The following STYK1 variants were observed in gnomAD, a reference collection of about 807,000 sequenced individuals.
STYK1 encodes the protein tyrosine-protein kinase STYK1.
A neutral mutation model predicts 48.1 loss-of-function variants in STYK1; 46 were observed. The observed-to-expected ratio is 0.96, with a 90% CI of 0.75 to 1.22. The LOEUF (loss-of-function observed/expected upper bound fraction) is 1.22, where lower values mean the gene tolerates loss of function less well. STYK1 is among the 50% of genes most tolerant of loss of function. The pLI is 0.00. For synonymous variants in STYK1, 188 were observed against 189.0 expected (o/e 0.99, Z 0.04); for missense variants, 527 against 521.1 (o/e 1.01, Z -0.11).
rs186505986 is a variant in STYK1 at position 10,622,147 on chromosome 12, G to C, written c.968-175C>G. ...AATATGGATATAATTTAGTGAATTG[G>C]GGGGAAAGGTGTTTTGGAGAAAAAA... On this transcript the variant is annotated intron_variant, in intron 9 of 10. Transcript: ENST00000075503. Among the ~76,000 whole-genome samples, 104 of 152,230 alleles carry C rather than the reference G, an allele frequency of 6.8e-4. 1 individual carries two copies. The highest frequency in any genetic ancestry group is 2.2e-3 in the African/African-American group (91 of 41,530).
chr12:10,619,530 CTG>C lies in STYK1; in HGVS notation c.*612_*613del, dbSNP rs1865871383. On this transcript the variant is annotated 3_prime_UTR_variant, in exon 11 of 11. Coordinates refer to ENST00000075503, the MANE Select transcript of STYK1 (RefSeq NM_018423.3). ...AAACGTAGTAACAAACAGAATTTAC[CTG>C]TCTCAGAATCAGATAAAAGGGGACC... The C allele has an allele frequency of 6.6e-6, 1 of 152,630 alleles. No homozygotes were observed. Among genetic ancestry groups the C allele is most frequent in the Admixed American group, 6.5e-5 (1 of 15,294 alleles). 9.5% of individuals were successfully genotyped at this position (152,630 alleles called of 1,614,324 possible).
At chr12:10,627,599 AG>A (rs752035697) in intron 7 of STYK1, 41 bp downstream of exon 7, 11 of 1,550,274 alleles carry the variant, frequency 7.1e-6, no homozygotes, top group Non-Finnish European at 9.7e-6. Flanking sequence ...AAGGCTAACA[AG>A]GAAACGTCAC....
rs1432488992 is a variant in STYK1, at chr12:10,634,010, T to G, written c.167A>C (p.Gln56Pro). ...TTTACCTTGAGGTCCAGAACGCTGCTGTTGAGTTCTTTGTTCTCTGATAAA... is the reference window on the plus strand; with the variant it reads ...TTTACCTTGAGGTCCAGAACGCTGCGGTTGAGTTCTTTGTTCTCTGATAAA... ...WLFIREQRTQQQRSGPQGIAP... is the reference protein window; with the variant it reads ...WLFIREQRTQPQRSGPQGIAP... The change falls in exon 4 of 11, where the codon CAG becomes CCG. Residue 56 changes from glutamine to proline, a missense_variant. Gln to Pro is a moderately conservative substitution (Grantham distance 76, BLOSUM62 -1). Coordinates refer to ENST00000075503, the MANE Select transcript of STYK1 (RefSeq NM_018423.3). 6.2e-7 allele frequency: 1 copy of G among 1,614,104 alleles called. No individual in the cohort carries two copies. Among genetic ancestry groups the G allele is most frequent in the South Asian group, 1.1e-5 (1 of 91,062 alleles).
Position 10,627,634 on chromosome 12 carries a change from A to G in STYK1, c.717+7T>C, listed in dbSNP as rs1458111082. The G allele has an allele frequency of 1.2e-6, 2 of 1,611,774 alleles. No individual in the cohort carries two copies. Among genetic ancestry groups the G allele is most frequent in the Non-Finnish European group, 1.7e-6 (2 of 1,179,192 alleles). ...ACACCATCAGTTGTCATGTTGCCTC[A>G]TCTTACCAGCGCCAAAAGGACCTGC... On this transcript the variant is annotated splice_region_variant and intron_variant, in intron 7 of 10. Coordinates refer to ENST00000075503, the MANE Select transcript of STYK1 (RefSeq NM_018423.3).
intron 1 of STYK1, among the ~76,000 whole-genome samples, chr12:10,657,503 T>G (rs1341448623): frequency 6.6e-6 from 1 of 152,264 alleles, no homozygotes; most frequent in East Asian, 1.9e-4. Context: ...ATAAAGACAG[T>G]TTTAAAGATT....
intron 1 of STYK1, among the ~76,000 whole-genome samples, chr12:10,649,985 GCC>G (rs1947643259): frequency 1.3e-5 from 2 of 151,782 alleles, no homozygotes; most frequent in African/African-American, 4.8e-5. Flanking sequence ...GTGGTGGCGG[GCC>G]CCTGTAGTCC....
chr12:10,661,913 G>A (rs1322346867), intron 1 of STYK1, among the ~76,000 whole-genome samples: 1 of 152,076 alleles, frequency 6.6e-6, no homozygotes, highest in South Asian at 2.1e-4. Context: ...GCAATTTAGT[G>A]GTTTTATTAT....
At chr12:10,620,425 T>C in intron 10 of STYK1, 77 bp from the exon 11 acceptor site, 1 of 1,359,286 alleles carries the variant, frequency 7.4e-7, no homozygotes, top group Non-Finnish European at 1.0e-6. Context: ...CCTCACAAAC[T>C]TTAACAAACA....
At chr12:10,646,644 G>A (rs1189149165) in intron 1 of STYK1, among the ~76,000 whole-genome samples, 1 of 152,198 alleles carries the variant, frequency 6.6e-6, no homozygotes, top group Non-Finnish European at 1.5e-5. Flanking sequence ...AAGTAACAAG[G>A]AGCCAAATGT....
At position 10,650,069 on chromosome 12, in the gene STYK1, A is replaced by G. The variant is rs549070810; in HGVS notation, c.-194-12873T>C. On this transcript the variant is annotated intron_variant, in intron 1 of 10. Transcript: ENST00000075503. ...GGAGCTTGCAGTGAGCCGAGATCGC[A>G]CCACTGCACTCCAGCCTGGGCAACT... Among the ~76,000 whole-genome samples, 66 of 130,052 alleles carry G rather than the reference A, an allele frequency of 5.1e-4. No homozygotes were observed. The South Asian group carries it at 0.014, about 27-fold the overall frequency. 85.3% of individuals were successfully genotyped at this position (130,052 alleles called of 152,430 possible).
chr12:10,640,454 T>C (rs1947531406), intron 1 of STYK1, among the ~76,000 whole-genome samples: 1 of 152,214 alleles, frequency 6.6e-6, no homozygotes, highest in Non-Finnish European at 1.5e-5. Context: ...GGAGGTTATC[T>C]AAGAGAGGTT....
chr12:10,641,929 G>T (rs1426416161), intron 1 of STYK1, among the ~76,000 whole-genome samples: 1 of 152,148 alleles, frequency 6.6e-6, no homozygotes, highest in East Asian at 1.9e-4. Context: ...GTGAGAGATT[G>T]GAAGTTCTAG....
rs1373702454 is a variant in STYK1 at position 10,620,273 on chromosome 12, T to C, written c.1140A>G (p.Leu380=). The change falls in exon 11 of 11, where the codon CTA becomes CTG. Residue 380 remains leucine (L), a synonymous_variant. Transcript: ENST00000075503. ...RPSPRELRLR[L]EAAIKTADDE... ...CATCTGCAGTTTTAATGGCAGCTTC[T>C]AGGCGCAAGCGCAGCTCTCTAGGTG... 17 of 1,614,036 alleles carry C rather than the reference T, an allele frequency of 1.1e-5. No individual in the cohort carries two copies. Among genetic ancestry groups the C allele is most frequent in the Non-Finnish European group, 1.4e-5 (17 of 1,180,062 alleles).
rs188666635 is a variant in STYK1 at position 10,645,093 on chromosome 12, G to A, written c.-194-7897C>T. 2.5e-3 allele frequency among the ~76,000 whole-genome samples: 378 copies of A among 152,206 alleles called. 2 individuals carry two copies. The highest frequency in any genetic ancestry group is 4.0e-3 in the Admixed American group (61 of 15,288). ...AAGGAAAAACTAGAGAAGTAAAAGG[G>A]GAACCAAGAGTTTGTGCTGTTGTGG... On this transcript the variant is annotated intron_variant, in intron 1 of 10. Coordinates refer to ENST00000075503, the MANE Select transcript of STYK1 (RefSeq NM_018423.3).
rs929171190 is a variant in STYK1 at position 10,620,063 on chromosome 12, G to A, written c.*81C>T. On this transcript the variant is annotated 3_prime_UTR_variant, in exon 11 of 11. Coordinates refer to ENST00000075503, the MANE Select transcript of STYK1 (RefSeq NM_018423.3). The stretch of plus-strand genomic sequence containing the variant: ...GTCCCATTTCTCCCTTTGTGTCCCT[G>A]GGAAAGACCATTCTCTGTTCTTAGA... The A allele has an allele frequency of 1.3e-6, 2 of 1,495,092 alleles. No homozygotes were observed. The highest frequency in any genetic ancestry group is 1.4e-5 in the African/African-American group (1 of 72,314). 92.6% of individuals were successfully genotyped at this position (1,495,092 alleles called of 1,614,324 possible). A position where few individuals can be genotyped will look rare whatever the true frequency, so the allele number is the denominator to read the frequency against.
chr12:10,642,601 A>G (rs2120699652), intron 1 of STYK1, among the ~76,000 whole-genome samples: 1 of 152,290 alleles, frequency 6.6e-6, no homozygotes, highest in African/African-American at 2.4e-5. Context: ...TGAAACAAAA[A>G]ATCTTTTATC....
intron 7 of STYK1, among the ~76,000 whole-genome samples, chr12:10,625,106 C>T (rs1415853681): frequency 2.0e-5 from 3 of 152,170 alleles, no homozygotes; most frequent in Admixed American, 1.3e-4. Context: ...AATATAATCA[C>T]CTCTGTTTCA....
chr12:10,646,203 CAGA>C (rs1327337980), intron 1 of STYK1, among the ~76,000 whole-genome samples: 1 of 152,108 alleles, frequency 6.6e-6, no homozygotes. Flanking sequence ...TTGGAGGGCT[CAGA>C]AGAAGACAGG....
At position 10,672,731 on chromosome 12, in the gene STYK1, G is replaced by C. The variant is rs1947903261; in HGVS notation, c.-195+1235C>G. ...CCACAAAATCAGTCCCTGGTGCCTG[G>C]TGCCAAAAGCCATGCAGTTTGTGGT... On this transcript the variant is annotated intron_variant, in intron 1 of 10. Coordinates refer to ENST00000075503, the MANE Select transcript of STYK1 (RefSeq NM_018423.3). The surrounding 1 kb of genome is among the most constrained non-coding windows in gnomAD (Gnocchi z 4.0). Among the ~76,000 whole-genome samples, 3 of 152,222 alleles carry C rather than the reference G, an allele frequency of 2.0e-5. No homozygotes were observed. Among genetic ancestry groups the C allele is most frequent in the Admixed American group, 6.5e-5 (1 of 15,292 alleles).
Sources: allele counts gnomAD v4.1 joint callset (sites outside exome capture counted in the v4.1 genomes callset), GRCh38; gene constraint gnomAD v4.1.1; non-coding constraint Gnocchi (gnomAD v3.1); transcripts MANE v1.5; gene names NCBI Gene and HGNC (gene_info 2026-07-23, HGNC 2026-07-21).